ARAP3: variants seen among roughly 807,000 people sequenced by gnomAD.
ARAP3 encodes the protein ArfGAP with RhoGAP domain, ankyrin repeat and PH domain 3, also known as arf-GAP with Rho-GAP domain, ANK repeat and PH domain-containing protein 3.
In ARAP3, 82 loss-of-function variants were observed where a neutral mutation model predicts 169.2. The observed-to-expected ratio is 0.48, with a 90% CI of 0.41 to 0.58. The LOEUF (loss-of-function observed/expected upper bound fraction) is 0.58, where lower values mean the gene tolerates loss of function less well. Ranked by LOEUF, ARAP3 falls within the 20% of genes least tolerant of loss-of-function variation. The probability of loss-of-function intolerance (pLI) is 0.00; values close to 1 mark genes in which losing one functional copy is unlikely to be tolerated. For missense variants in ARAP3, 1,764 were observed against 2,018.0 expected (o/e 0.87, Z 2.41); for synonymous variants, 791 against 800.3 (o/e 0.99, Z 0.20).
At chr5:141,661,986 G>T (rs1352988875) in intron 20 of ARAP3, 57 bp downstream of exon 20, 17 of 1,601,596 alleles carry the variant, frequency 1.1e-5, no homozygotes, top group Non-Finnish European at 1.4e-5. Flanking sequence ...CATGGATTCT[G>T]GTGGGGGAAG....
At position 141,656,125 on chromosome 5, in the gene ARAP3, G is replaced by A. The variant is rs775222956; in HGVS notation, c.3873-26C>T. ...CTGGGAGACAAAGAACAGTGATGGGGCAGTCAGAAAGGGCAGGGGGGTGAA... is the reference window on the plus strand; with the variant it reads ...CTGGGAGACAAAGAACAGTGATGGGACAGTCAGAAAGGGCAGGGGGGTGAA... On this transcript the variant is annotated intron_variant, in intron 28 of 32. Transcript: ENST00000239440. 2.5e-6 allele frequency: 4 copies of A among 1,614,030 alleles called. No individual in the cohort carries two copies. The Admixed American group carries it at 5.0e-5, about 20-fold the overall frequency.
intron 17 of ARAP3, 102 bp from the exon 18 acceptor site, chr5:141,665,476 T>A: frequency 8.0e-7 from 1 of 1,250,564 alleles, no homozygotes; most frequent in Admixed American, 2.0e-5. Context: ...CTAGGAGCAT[T>A]ACAAAAAACG....
At chr5:141,655,566 A>G in intron 31 of ARAP3, 55 bp downstream of exon 31, 1 of 1,607,514 alleles carries the variant, frequency 6.2e-7, no homozygotes, top group South Asian at 1.1e-5. Flanking sequence ...GCCTACTGCA[A>G]TGTGACAAGG....
rs192544802 is a variant in ARAP3 at position 141,671,879 on chromosome 5, C to G, written c.1671+16G>C. On this transcript the variant is annotated intron_variant, in intron 11 of 32. Transcript: ENST00000239440. This position sits in a 1 kb window ranked among gnomAD's most constrained non-coding sequence, Gnocchi z 4.9. ...CCCTTCTACGCCTCCCACCTTCTCCCTCTTCGCCCGCTCACCTGTACTATC... is the reference window on the plus strand; with the variant it reads ...CCCTTCTACGCCTCCCACCTTCTCCGTCTTCGCCCGCTCACCTGTACTATC... 7.7e-5 allele frequency: 125 copies of G among 1,614,176 alleles called. No homozygotes were observed. The Admixed American group carries it at 1.4e-3, about 18-fold the overall frequency.
chr5:141,655,294 C>T (rs1192806353), intron 32 of ARAP3, 68 bp downstream of exon 32: 10 of 1,536,512 alleles, frequency 6.5e-6, no homozygotes, highest in Non-Finnish European at 8.8e-6. Flanking sequence ...ACAGCACACC[C>T]GGGGCTCAGG....
chr5:141,656,406 T>C (rs959919471), intron 27 of ARAP3, 98 bp downstream of exon 27: 2 of 1,584,332 alleles, frequency 1.3e-6, no homozygotes, highest in Admixed American at 3.6e-5. Flanking sequence ...AGCAATGAGA[T>C]TGATGAGAGT....
At position 141,672,932 on chromosome 5, in the gene ARAP3, G is replaced by C; in HGVS notation, c.1094-7C>G. Reference sequence around the variant, plus strand: ...CACCACATGTCCCGCTGAGCTGGTGGGGATGGAGAAGCAGGTCAGTGGCTG... The same window carrying C: ...CACCACATGTCCCGCTGAGCTGGTGCGGATGGAGAAGCAGGTCAGTGGCTG... On this transcript the variant is annotated splice_region_variant and splice_polypyrimidine_tract_variant and intron_variant, in intron 7 of 32. Coordinates refer to ENST00000239440, the MANE Select transcript of ARAP3 (RefSeq NM_022481.6). This position sits in a 1 kb window ranked among gnomAD's most constrained non-coding sequence, Gnocchi z 4.9. 6.2e-7 allele frequency: 1 copy of C among 1,611,736 alleles called. No individual in the cohort carries two copies. Among genetic ancestry groups the C allele is most frequent in the South Asian group, 1.1e-5 (1 of 90,862 alleles).
At chr5:141,666,896 AC>A (rs1250705250) in intron 16 of ARAP3, among the ~76,000 whole-genome samples, 1 of 151,804 alleles carries the variant, frequency 6.6e-6, no homozygotes, top group South Asian at 2.1e-4. Context: ...CATAAAGAAG[AC>A]CCCTGTGTGG....
chr5:141,663,524 G>A (rs1312538815), intron 19 of ARAP3, among the ~76,000 whole-genome samples: 1 of 152,164 alleles, frequency 6.6e-6, no homozygotes, highest in Non-Finnish European at 1.5e-5. Flanking sequence ...CCTGACCTCA[G>A]GTGATCCACC....
chr5:141,675,339 C>A (rs2099912019), intron 4 of ARAP3, among the ~76,000 whole-genome samples: 2 of 152,096 alleles, frequency 1.3e-5, no homozygotes, highest in South Asian at 4.1e-4. Context: ...TACATGGGCT[C>A]CACACCAGAC....
rs769177783 is a variant in ARAP3, at chr5:141,679,592, G to A, written c.651C>T (p.Pro217=). 6.8e-6 allele frequency: 11 copies of A among 1,613,692 alleles called. No individual in the cohort carries two copies. The highest frequency in any genetic ancestry group is 5.5e-5 in the South Asian group (5 of 91,062). The change falls in exon 4 of 33, where the codon CCC becomes CCT. Residue 217 remains proline (P), a synonymous_variant. Coordinates refer to ENST00000239440, the MANE Select transcript of ARAP3 (RefSeq NM_022481.6). ...GVQPVGTPGA[P]DRRESRGVCQ... The stretch of plus-strand genomic sequence containing the variant: ...AAACACCTCTGCTCTCTCTTCTGTC[G>A]GGGGCTCCTGGAGTCCCCACAGGTT...
In ARAP3 at chr5:141,654,316, G is replaced by A. The variant is rs767995487; in HGVS notation, c.4269C>T (p.Thr1423=). 2.4e-5 allele frequency: 39 copies of A among 1,614,022 alleles called. No individual in the cohort carries two copies. The highest frequency in any genetic ancestry group is 3.1e-5 in the Non-Finnish European group (36 of 1,180,032). The part of the protein sequence containing the change: ...AFPELIQDTS[T]SFSTTREWTV... ...TCCACTCCCGTGTGGTGGAGAAGGA[G>A]GTAGAAGTGTCCTGGATCAACTCAG... Residue 1423 remains threonine (T), a synonymous_variant, in exon 33 of 33, where the codon ACC becomes ACT. Coordinates refer to ENST00000239440, the MANE Select transcript of ARAP3 (RefSeq NM_022481.6).
At chr5:141,678,830 C>T (rs1434366670) in intron 4 of ARAP3, among the ~76,000 whole-genome samples, 3 of 152,120 alleles carry the variant, frequency 2.0e-5, no homozygotes, top group African/African-American at 7.2e-5. Flanking sequence ...TTCCATGGCA[C>T]TTAATACCTT....
At chr5:141,680,544 A>T (rs979622825) in intron 1 of ARAP3, 41 bp from the exon 2 acceptor site, 3 of 1,524,222 alleles carry the variant, frequency 2.0e-6, no homozygotes, top group Non-Finnish European at 2.6e-6. Flanking sequence ...TCAGGCTGAG[A>T]ATCCCCCTCT....
Position 141,661,774 on chromosome 5 carries a change from T to C in ARAP3, c.3029A>G (p.Asn1010Ser). ...WREAAELPQKNQRLEKYKDVI... is the reference protein window; with the variant it reads ...WREAAELPQKSQRLEKYKDVI... ...ATCTTTATATTTCTCCAGGCGCTGA[T>C]TCTTCTGGGGCAGCTCTGGGGATGG... is the stretch of plus-strand genomic sequence containing the variant. The change falls in exon 21 of 33, where the codon AAT becomes AGT. Residue 1010 changes from asparagine (N) to serine (S), a missense_variant. Transcript: ENST00000239440. The C allele has an allele frequency of 6.2e-7, 1 of 1,614,210 alleles. No homozygotes were observed. The highest frequency in any genetic ancestry group is 8.5e-7 in the Non-Finnish European group (1 of 1,180,036).
chr5:141,660,240 C>A (rs568980364), intron 21 of ARAP3, among the ~76,000 whole-genome samples: 1 of 152,122 alleles, frequency 6.6e-6, no homozygotes, highest in Non-Finnish European at 1.5e-5. Flanking sequence ...CGCTTGTAAT[C>A]CCAGCACTTT....
chr5:141,673,368 A>C, intron 6 of ARAP3, 33 bp downstream of exon 6: 1 of 1,612,180 alleles, frequency 6.2e-7, no homozygotes, highest in Non-Finnish European at 8.5e-7. Context: ...CCTCTCCCTC[A>C]TCTCCATATC....
rs1179068104 is a variant in ARAP3 at position 141,671,616 on chromosome 5, A to G, written c.1808T>C (p.Phe603Ser). ...FISRKYRLGL[F>S]RKPHPQYPDH... ...TGGGTACTGAGGGTGGGGCTTCCGG[A>G]AGAGACCCAGACGGTACTTTCGGGA... The change falls in exon 12 of 33, where the codon TTC becomes TCC. Residue 603 changes from phenylalanine to serine, a missense_variant. Physicochemically the swap from Phe to Ser is radical, Grantham distance 155. Transcript: ENST00000239440. The surrounding 1 kb of genome is among the most constrained non-coding windows in gnomAD (Gnocchi z 4.9). 1.2e-6 allele frequency: 2 copies of G among 1,613,876 alleles called. No homozygotes were observed.
rs146597354 is a variant in ARAP3, at chr5:141,672,190, C to T, written c.1497G>A (p.Arg499=). ...CACAGTCCGCACACTGCCGGTTGGC[C>T]CGATTAGACCAGATCTTCTCAGCCA... is the stretch of plus-strand genomic sequence containing the variant. ...YEVAEKIWSN[R]ANRQCADCGS... Residue 499 remains arginine (R), a synonymous_variant, in exon 10 of 33, where the codon CGG becomes CGA. Transcript: ENST00000239440. This position sits in a 1 kb window ranked among gnomAD's most constrained non-coding sequence, Gnocchi z 4.9. 6.2e-7 allele frequency: 1 copy of T among 1,614,078 alleles called. No individual in the cohort carries two copies. The highest frequency in any genetic ancestry group is 1.3e-5 in the African/African-American group (1 of 74,926).
Sources: gnomAD v4.1 joint callset for allele counts (sites outside exome capture counted in the v4.1 genomes callset) on GRCh38, gnomAD v4.1.1 for gene constraint, Gnocchi (gnomAD v3.1) non-coding constraint, MANE v1.5 for transcripts, NCBI Gene and HGNC (gene_info 2026-07-23, HGNC 2026-07-21) for gene names.